Variants in CALN1 observed in about 807,000 individuals in gnomAD.
CALN1 encodes calneuron 1, also known as calcium-binding protein 8.
CALN1 carries 17 observed loss-of-function variants against 30.6 expected under a neutral mutation model. The observed-to-expected ratio is 0.56, with a 90% CI of 0.38 to 0.83. CALN1 has a LOEUF of 0.83. Ranked by LOEUF, CALN1 falls within the 40% of genes least tolerant of loss-of-function variation. The pLI is 0.00. For missense variants in CALN1, 291 were observed against 354.9 expected (o/e 0.82, Z 1.45); for synonymous variants, 156 against 131.4 (o/e 1.19, Z -1.28).
chr7:71,998,157 C>A (rs1172584219), intron 5 of CALN1, among the ~76,000 whole-genome samples: 1 of 151,960 alleles, frequency 6.6e-6, no homozygotes, highest in African/African-American at 2.4e-5. Flanking sequence ...CAAAATTATT[C>A]TCTAGAAATG....
chr7:72,121,189 A>T (rs1261079755), intron 3 of CALN1, among the ~76,000 whole-genome samples: 1 of 144,240 alleles, frequency 6.9e-6, no homozygotes, highest in Non-Finnish European at 1.5e-5. Context: ...TATATTATGT[A>T]TTATATTATA....
chr7:72,304,208 T>C (rs1238678866), intron 2 of CALN1, among the ~76,000 whole-genome samples: 1 of 152,264 alleles, frequency 6.6e-6, no homozygotes, highest in Admixed American at 6.5e-5. Flanking sequence ...AATAAAGCTA[T>C]TCAATTCAGA....
chr7:72,468,309 T>TTGC, the CALN1 span, among the ~76,000 whole-genome samples: 2 of 152,154 alleles, frequency 1.3e-5, no homozygotes, highest in Admixed American at 6.5e-5. Context: ...TTCAACTGCT[T>TTGC]TTTTTTGTTT....
intron 2 of CALN1, among the ~76,000 whole-genome samples, chr7:72,320,135 T>C (rs1027438057): frequency 5.3e-5 from 8 of 151,564 alleles, no homozygotes; most frequent in East Asian, 1.9e-4. Context: ...CTCCATCTCA[T>C]AAAAAAACAA....
intron 3 of CALN1, among the ~76,000 whole-genome samples, chr7:72,262,109 G>A (rs552937291): frequency 2.0e-5 from 3 of 152,184 alleles, no homozygotes; most frequent in Admixed American, 6.5e-5. Flanking sequence ...CTCCATAGGG[G>A]AGTGAGTTCT....
At chr7:72,070,489 T>C (rs1468212758) in intron 4 of CALN1, among the ~76,000 whole-genome samples, 1 of 152,200 alleles carries the variant, frequency 6.6e-6, no homozygotes, top group Non-Finnish European at 1.5e-5. Flanking sequence ...AAATATTAAA[T>C]ATATTCCACC....
At chr7:72,360,473 T>G (rs1209428713) in intron 2 of CALN1, among the ~76,000 whole-genome samples, 1 of 151,890 alleles carries the variant, frequency 6.6e-6, no homozygotes, top group African/African-American at 2.4e-5. Context: ...TCACACATGT[T>G]TATAGATGCA....
intron 5 of CALN1, among the ~76,000 whole-genome samples, chr7:71,893,406 G>T (rs996743589): frequency 2.0e-5 from 3 of 152,082 alleles, no homozygotes; most frequent in Admixed American, 6.5e-5. Context: ...GGTGCTTTTG[G>T]CCAGGCGTGG....
chr7:71,832,922 A>G (rs1349047760), intron 5 of CALN1, among the ~76,000 whole-genome samples: 1 of 152,088 alleles, frequency 6.6e-6, no homozygotes, highest in Non-Finnish European at 1.5e-5. Flanking sequence ...AAGTGTTTCT[A>G]TAATATCATC....
intron 6 of CALN1, among the ~76,000 whole-genome samples, chr7:71,807,561 C>A (rs10256890): frequency 3.3e-5 from 5 of 151,974 alleles, no homozygotes; most frequent in African/African-American, 9.7e-5. Context: ...ATGTAATGAC[C>A]GTCCCAGAGG....
At chr7:72,365,944 G>A (rs935027059) in intron 2 of CALN1, among the ~76,000 whole-genome samples, 3 of 152,086 alleles carry the variant, frequency 2.0e-5, no homozygotes, top group Non-Finnish European at 2.9e-5. Context: ...AGTTTTAAAT[G>A]CACATGGGCA....
chr7:72,021,884 C>T (rs1041094489), intron 5 of CALN1, among the ~76,000 whole-genome samples: 1 of 152,156 alleles, frequency 6.6e-6, no homozygotes, highest in Non-Finnish European at 1.5e-5. Context: ...AGGATTCAAC[C>T]CCACAAGACT....
chr7:71,862,159 G>A (rs146622647), intron 5 of CALN1, among the ~76,000 whole-genome samples: 30 of 152,352 alleles, frequency 2.0e-4, no homozygotes, highest in Middle Eastern at 6.8e-3. Flanking sequence ...GGTACCTGCT[G>A]TAAGCAGCTG....
At chr7:71,899,060 A>G (rs763775346) in intron 5 of CALN1, among the ~76,000 whole-genome samples, 10 of 152,104 alleles carry the variant, frequency 6.6e-5, no homozygotes, top group Non-Finnish European at 1.5e-4. Context: ...CCAAAATACT[A>G]AAATATAAAG....
intron 5 of CALN1, among the ~76,000 whole-genome samples, chr7:71,899,295 C>G (rs1221905307): frequency 6.6e-6 from 1 of 152,078 alleles, no homozygotes; most frequent in Non-Finnish European, 1.5e-5. Context: ...AGGCATGTGC[C>G]ACCGTGCCTG....
rs1377784134 is a variant in CALN1 at position 71,784,518 on chromosome 7, G to A, written c.*3257C>T. The A allele has an allele frequency of 1.7e-5, 5 of 299,042 alleles. No homozygotes were observed. Among genetic ancestry groups the A allele is most frequent in the African/African-American group, 2.2e-5 (1 of 46,488 alleles). The allele number at this position is 299,042 out of a possible 1,614,324, so 18.5% of individuals were successfully genotyped here. On this transcript the variant is annotated 3_prime_UTR_variant, in exon 7 of 7. Transcript: ENST00000395275. ...GTCCCGATGCTAGATTCTGTCTGGG[G>A]GCTTTGTGGGTATCTGGAAAGGTGG...
chr7:71,962,896 C>T (rs541432050), intron 5 of CALN1, among the ~76,000 whole-genome samples: 5 of 152,222 alleles, frequency 3.3e-5, no homozygotes, highest in South Asian at 2.1e-4. Flanking sequence ...AAGAGATCAG[C>T]GGGATCTCAT....
chr7:72,094,255 A>G (rs1212797252), intron 4 of CALN1, among the ~76,000 whole-genome samples: 1 of 150,470 alleles, frequency 6.6e-6, no homozygotes, highest in African/African-American at 2.4e-5. Flanking sequence ...TCTTATTGAA[A>G]TAGGTGCACA....
chr7:71,892,418 C>T (rs1793294671), intron 5 of CALN1, among the ~76,000 whole-genome samples: 1 of 152,164 alleles, frequency 6.6e-6, no homozygotes, highest in South Asian at 2.1e-4. Context: ...GGGCGGATTA[C>T]TTGAGGCCAG....
Sources: allele counts gnomAD v4.1 joint callset (sites outside exome capture counted in the v4.1 genomes callset), GRCh38; gene constraint gnomAD v4.1.1; transcripts MANE v1.5; gene names NCBI Gene and HGNC (gene_info 2026-07-23, HGNC 2026-07-21).